SNX1: variants seen among roughly 807,000 people sequenced by gnomAD.
SNX1 encodes sorting nexin-1.
A neutral mutation model predicts 71.8 loss-of-function variants in SNX1; 36 were observed. The observed-to-expected ratio is 0.50, with a 90% CI of 0.38 to 0.66. SNX1 has a LOEUF of 0.66. Ranked by LOEUF, SNX1 falls within the 30% of genes least tolerant of loss-of-function variation. SNX1 has a pLI of 0.00. For missense variants in SNX1, 612 were observed against 646.7 expected (o/e 0.95, Z 0.58); for synonymous variants, 254 against 240.7 (o/e 1.06, Z -0.51).
rs1370249250 is a variant in SNX1, at chr15:64,138,147, C to G, written c.*529C>G. On this transcript the variant is annotated 3_prime_UTR_variant, in exon 15 of 15. Transcript: ENST00000559844. ...TCACAAGTTTTGTGCTGCTGCTTCC[C>G]TCTGGAAATGGGGTTTCTTTCTCTC... The G allele has an allele frequency of 6.5e-7, 1 of 1,535,682 alleles. No individual in the cohort carries two copies. Among genetic ancestry groups the G allele is most frequent in the Non-Finnish European group, 8.7e-7 (1 of 1,146,904 alleles).
At chr15:64,118,891 G>A in intron 4 of SNX1, 37 bp downstream of exon 4, 4 of 1,541,848 alleles carry the variant, frequency 2.6e-6, no homozygotes, top group Non-Finnish European at 3.6e-6. Flanking sequence ...ATGTTAGGAT[G>A]TGGCTGTGGA....
chr15:64,132,014 T>C, intron 11 of SNX1, 122 bp downstream of exon 11: 1 of 979,158 alleles, frequency 1.0e-6, no homozygotes, highest in Middle Eastern at 2.2e-4. Context: ...TTTTTCTACT[T>C]TTAAGAGGAA....
In SNX1 at chr15:64,138,286, C is replaced by T; in HGVS notation, c.*668C>T. 1 of 1,251,142 alleles carries T rather than the reference C, an allele frequency of 8.0e-7. No homozygotes were observed. Among genetic ancestry groups the T allele is most frequent in the Non-Finnish European group, 1.1e-6 (1 of 948,636 alleles). 77.5% of individuals were successfully genotyped at this position (1,251,142 alleles called of 1,614,324 possible). A position where few individuals can be genotyped will look rare whatever the true frequency, so the allele number is the denominator to read the frequency against. ...ATAAGAGGAGCAAAATCTATTAAAA[C>T]CTATTCTCCTGCAAAGGAGGCAGAG... is the stretch of plus-strand genomic sequence containing the variant. On this transcript the variant is annotated 3_prime_UTR_variant, in exon 15 of 15. Transcript: ENST00000559844.
intron 10 of SNX1, 151 bp downstream of exon 10, chr15:64,130,472 T>G: frequency 1.5e-6 from 1 of 657,420 alleles, no homozygotes; most frequent in South Asian, 1.8e-5. Flanking sequence ...AAAAAAGGTA[T>G]GCCCTGTGTC....
At position 64,139,073 on chromosome 15, in the gene SNX1, ACT is replaced by A. The variant is rs1427421182; in HGVS notation, c.*1459_*1460del. The A allele has an allele frequency of 6.6e-6, 1 of 151,162 alleles. No homozygotes were observed. The highest frequency in any genetic ancestry group is 1.5e-5 in the Non-Finnish European group (1 of 67,780). 9.4% of individuals were successfully genotyped at this position (151,162 alleles called of 1,614,324 possible). On this transcript the variant is annotated 3_prime_UTR_variant, in exon 15 of 15. Transcript: ENST00000559844. ...ACAGGTGAAGTTTTTGGAAAAAGTC[ACT>A]CTCCCTACCCCTCAGTATCCTTACC...
chr15:64,139,483 T>C lies in SNX1; in HGVS notation c.*1865T>C, dbSNP rs1284022267. The C allele has an allele frequency of 8.5e-6, 1 of 117,126 alleles. No individual in the cohort carries two copies. Among genetic ancestry groups the C allele is most frequent in the Non-Finnish European group, 1.7e-5 (1 of 57,732 alleles). The allele number at this position is 117,126 out of a possible 1,614,324, so 7.3% of individuals were successfully genotyped here. On this transcript the variant is annotated 3_prime_UTR_variant, in exon 15 of 15. Transcript: ENST00000559844. ...ACTGAGTGTTTACATTTTATCCCATTTGCCTTATCTATATTTCATGTTGCA... is the reference window on the plus strand; with the variant it reads ...ACTGAGTGTTTACATTTTATCCCATCTGCCTTATCTATATTTCATGTTGCA...
In SNX1 at chr15:64,143,700, C is replaced by T. The variant is rs2081436745; in HGVS notation, c.*6082C>T. The T allele has an allele frequency of 6.6e-6, 1 of 152,240 alleles. No individual in the cohort carries two copies. The highest frequency in any genetic ancestry group is 1.5e-5 in the Non-Finnish European group (1 of 68,050). 9.4% of individuals were successfully genotyped at this position (152,240 alleles called of 1,614,324 possible). On this transcript the variant is annotated 3_prime_UTR_variant, in exon 15 of 15. Transcript: ENST00000559844. The stretch of plus-strand genomic sequence containing the variant: ...TTCCCCATCTTCATTCTCAGAATTA[C>T]ACCTGTCTGAAGCAGGCATTTTCCA...
intron 10 of SNX1, among the ~76,000 whole-genome samples, chr15:64,131,356 A>G (rs1269923117): frequency 2.0e-5 from 3 of 152,220 alleles, no homozygotes; most frequent in African/African-American, 7.2e-5. Context: ...ATGAGCTTCA[A>G]CATAAATATA....
At chr15:64,127,457 C>G (rs1185578390) in intron 7 of SNX1, among the ~76,000 whole-genome samples, 6 of 152,178 alleles carry the variant, frequency 3.9e-5, no homozygotes, top group Admixed American at 1.3e-4. Context: ...TTTCCCCATC[C>G]TGAGTGAGCA....
chr15:64,104,240 G>A (rs1005844387), intron 1 of SNX1, among the ~76,000 whole-genome samples: 2 of 146,818 alleles, frequency 1.4e-5, no homozygotes, highest in East Asian at 4.1e-4. Flanking sequence ...GCTAATAAAA[G>A]TAATTATAGA....
rs1163659624 is a variant in SNX1, at chr15:64,143,981, T to A, written c.*6363T>A. On this transcript the variant is annotated 3_prime_UTR_variant, in exon 15 of 15. Transcript: ENST00000559844. Reference sequence around the variant, plus strand: ...AGCCATTGAAGATGATATATAGCTATATTCATTGACAAGGAAAACTCATAT... The same window carrying A: ...AGCCATTGAAGATGATATATAGCTAAATTCATTGACAAGGAAAACTCATAT... The A allele has an allele frequency of 6.6e-6, 1 of 152,206 alleles. No homozygotes were observed. The highest frequency in any genetic ancestry group is 2.4e-5 in the African/African-American group (1 of 41,452). The allele number at this position is 152,206 out of a possible 1,614,324, so 9.4% of individuals were successfully genotyped here. A position where few individuals can be genotyped will look rare whatever the true frequency, so the allele number is the denominator to read the frequency against.
intron 1 of SNX1, 105 bp downstream of exon 1, chr15:64,096,277 T>A (rs2140124594): frequency 1.5e-6 from 2 of 1,353,752 alleles, no homozygotes; most frequent in African/African-American, 1.5e-5. Context: ...GGTGAGACCT[T>A]GCCTCGGTGT....
In SNX1 at chr15:64,129,223, G is replaced by C. The variant is rs2081282912; in HGVS notation, c.808-693G>C. 6.6e-6 allele frequency among the ~76,000 whole-genome samples: 1 copy of C among 151,886 alleles called. No homozygotes were observed. The highest frequency in any genetic ancestry group is 1.9e-4 in the East Asian group (1 of 5,186). Reference sequence around the variant, plus strand: ...GATCGTGCCACTGCACTCCAGCCTGGGCGACAAGAGCAAGACTCCGTCTCA... The same window carrying C: ...GATCGTGCCACTGCACTCCAGCCTGCGCGACAAGAGCAAGACTCCGTCTCA... On this transcript the variant is annotated intron_variant, in intron 8 of 14. Transcript: ENST00000559844. This position sits in a 1 kb window ranked among gnomAD's most constrained non-coding sequence, Gnocchi z 4.4.
At chr15:64,098,615 G>A (rs912755608) in intron 1 of SNX1, among the ~76,000 whole-genome samples, 3 of 151,652 alleles carry the variant, frequency 2.0e-5, no homozygotes, top group African/African-American at 4.9e-5. Context: ...ACTTGAACCC[G>A]GGAGGCAGAG....
chr15:64,119,926 C>T (rs984713198), intron 4 of SNX1, among the ~76,000 whole-genome samples: 11 of 152,064 alleles, frequency 7.2e-5, no homozygotes, highest in Admixed American at 2.6e-4. Context: ...TTTTGATAAC[C>T]TTATGAGGTG....
intron 2 of SNX1, among the ~76,000 whole-genome samples, chr15:64,117,097 C>T (rs371841160): frequency 9.9e-5 from 15 of 152,128 alleles, no homozygotes; most frequent in African/African-American, 3.6e-4. Context: ...GGAAAAGTGC[C>T]CTTTCCCAAA....
intron 4 of SNX1, 29 bp downstream of exon 4, chr15:64,118,883 G>A (rs745775762): frequency 1.3e-6 from 2 of 1,563,090 alleles, no homozygotes; most frequent in Non-Finnish European, 1.8e-6. Flanking sequence ...TCCTTGTGAT[G>A]TTAGGATGTG....
At chr15:64,133,563 C>G (rs1401654246) in intron 11 of SNX1, among the ~76,000 whole-genome samples, 1 of 152,100 alleles carries the variant, frequency 6.6e-6, no homozygotes, top group African/African-American at 2.4e-5. Flanking sequence ...AACCCCATCT[C>G]TACTAAAAAT....
At chr15:64,104,434 G>A (rs754023785) in intron 1 of SNX1, among the ~76,000 whole-genome samples, 2 of 151,748 alleles carry the variant, frequency 1.3e-5, no homozygotes, top group Non-Finnish European at 2.9e-5. Flanking sequence ...CACCACGCCC[G>A]GCTAATTTTT....
Sources: allele counts gnomAD v4.1 joint callset (sites outside exome capture counted in the v4.1 genomes callset), GRCh38; gene constraint gnomAD v4.1.1; non-coding constraint Gnocchi (gnomAD v3.1); transcripts MANE v1.5; gene names NCBI Gene and HGNC (gene_info 2026-07-23, HGNC 2026-07-21).